INVS: variants seen among roughly 807,000 people sequenced by gnomAD.
INVS encodes the protein inversion of embryo turning homolog.
A neutral mutation model predicts 108.8 loss-of-function variants in INVS; 86 were observed. That is an observed-to-expected ratio of 0.79 (90% CI 0.66 to 0.95). The LOEUF is 0.95. Ranked by LOEUF, INVS falls within the 40% of genes least tolerant of loss-of-function variation. The pLI is 0.00. For missense variants in INVS, 1,169 were observed against 1,297.4 expected, an observed-to-expected ratio of 0.90 and a Z score of 1.52; for synonymous variants, 455 against 473.5, an observed-to-expected ratio of 0.96 and a Z score of 0.51.
intron 3 of INVS, chr9:100,129,862 G>A (rs1378628522): frequency 4.3e-6 from 2 of 463,468 alleles, no homozygotes; most frequent in Non-Finnish European, 8.0e-6. Context: ...CTGAGGCAGA[G>A]TTTGGAGATA....
chr9:100,273,828 G>C (rs566679595), intron 12 of INVS, among the ~76,000 whole-genome samples: 1 of 151,636 alleles, frequency 6.6e-6, no homozygotes, highest in Non-Finnish European at 1.5e-5. Context: ...ATAAGCCACC[G>C]CACCCAGCTT....
intron 1 of INVS, among the ~76,000 whole-genome samples, chr9:100,103,225 T>C (rs1827060337): frequency 6.6e-6 from 1 of 152,208 alleles, no homozygotes; most frequent in Non-Finnish European, 1.5e-5. Flanking sequence ...AATGGTGTGA[T>C]CTCAGCTCAC....
chr9:100,189,106 C>CTTTTTTTTTTTTTTTTTTTTTT (rs60762136), intron 3 of INVS, among the ~76,000 whole-genome samples: 3 of 69,562 alleles, frequency 4.3e-5, no homozygotes, highest in African/African-American at 2.0e-4. Context: ...TTTGCATCTT[C>CTTTTTTTTTTTTTTTTTTTTTT]TTTTTTTTTT....
intron 10 of INVS, among the ~76,000 whole-genome samples, chr9:100,260,788 G>T (rs1039317677): frequency 4.6e-5 from 7 of 152,072 alleles, no homozygotes; most frequent in African/African-American, 1.7e-4. Flanking sequence ...CCAAATATAG[G>T]TTAAATAAGT....
At chr9:100,130,402 T>A (rs1467165643) in intron 3 of INVS, 1 of 152,080 alleles carries the variant, frequency 6.6e-6, no homozygotes, top group Non-Finnish European at 1.5e-5. Context: ...ATACATAGAT[T>A]GCTATTATAG....
intron 8 of INVS, among the ~76,000 whole-genome samples, chr9:100,247,378 C>T (rs1003499590): frequency 3.4e-4 from 51 of 152,194 alleles, no homozygotes; most frequent in African/African-American, 1.1e-3. Context: ...AGGCCTTTAC[C>T]TATGTGTTGG....
intron 6 of INVS, among the ~76,000 whole-genome samples, chr9:100,240,692 G>A (rs1831839848): frequency 1.3e-5 from 2 of 151,884 alleles, no homozygotes; most frequent in African/African-American, 4.8e-5. Context: ...TGTATGTTGG[G>A]GTTTTTTGTG....
intron 3 of INVS, among the ~76,000 whole-genome samples, chr9:100,143,341 G>T (rs1285979480): frequency 2.6e-5 from 4 of 152,140 alleles, no homozygotes; most frequent in Middle Eastern, 3.2e-3. Context: ...TAAAATGGGG[G>T]AATTGTAAGG....
intron 3 of INVS, among the ~76,000 whole-genome samples, chr9:100,219,503 A>C (rs1831080772): frequency 6.6e-6 from 1 of 152,128 alleles, no homozygotes; most frequent in Non-Finnish European, 1.5e-5. Flanking sequence ...GTCAGACAAA[A>C]CCCAGTGTGG....
chr9:100,181,386 A>C (rs1380989681), intron 3 of INVS, among the ~76,000 whole-genome samples: 1 of 152,200 alleles, frequency 6.6e-6, no homozygotes, highest in Non-Finnish European at 1.5e-5. Flanking sequence ...TCTCAACCCA[A>C]AATCTCCTTA....
At position 100,220,886 on chromosome 9, in the gene INVS, G is replaced by A. The variant is rs564980338; in HGVS notation, c.274-5176G>A. ...AGCTATTCAGGAAGCTAGGGCAGGA[G>A]AATTGCTTGAACCCTGAAGGCAGAG... is the stretch of plus-strand genomic sequence containing the variant. On this transcript the variant is annotated intron_variant, in intron 3 of 16. Coordinates refer to ENST00000262457, the MANE Select transcript of INVS (RefSeq NM_014425.5). Among the ~76,000 whole-genome samples the A allele has an allele frequency of 1.5e-4, 22 of 151,384 alleles. No individual in the cohort carries two copies. The East Asian group carries it at 3.5e-3, about 24-fold the overall frequency.
chr9:100,205,536 A>G (rs1830648406), intron 3 of INVS, among the ~76,000 whole-genome samples: 1 of 152,122 alleles, frequency 6.6e-6, no homozygotes, highest in Admixed American at 6.5e-5. Context: ...TATACTTGAA[A>G]CAAGAGTAAT....
intron 3 of INVS, among the ~76,000 whole-genome samples, chr9:100,195,273 T>C (rs1830338640): frequency 6.6e-6 from 1 of 152,214 alleles, no homozygotes; most frequent in Non-Finnish European, 1.5e-5. Flanking sequence ...TTGAATATTG[T>C]CAAATGCCTT....
intron 3 of INVS, among the ~76,000 whole-genome samples, chr9:100,148,970 A>G (rs995933266): frequency 6.6e-6 from 1 of 152,176 alleles, no homozygotes; most frequent in Non-Finnish European, 1.5e-5. Context: ...TCTGAAGGTA[A>G]CAGACTGCCA....
At chr9:100,285,623 A>G (rs1833416907) in intron 13 of INVS, among the ~76,000 whole-genome samples, 1 of 152,238 alleles carries the variant, frequency 6.6e-6, no homozygotes. Context: ...TCCAGAGGAA[A>G]TTAGGCACGA....
chr9:100,258,742 G>A (rs569041998), intron 10 of INVS, among the ~76,000 whole-genome samples: 1 of 152,296 alleles, frequency 6.6e-6, no homozygotes, highest in African/African-American at 2.4e-5. Context: ...AAATATTGCA[G>A]AACGGCAAAT....
intron 3 of INVS, among the ~76,000 whole-genome samples, chr9:100,173,884 A>G (rs1439316245): frequency 6.6e-6 from 1 of 152,262 alleles, no homozygotes. Flanking sequence ...AGCTAAGGCT[A>G]AAATAACTCA....
At chr9:100,104,002 G>C (rs1423116546) in intron 1 of INVS, among the ~76,000 whole-genome samples, 1 of 151,964 alleles carries the variant, frequency 6.6e-6, no homozygotes, top group African/African-American at 2.4e-5. Flanking sequence ...CATATTACTT[G>C]TATTAACTTA....
chr9:100,120,139 C>T (rs1027936220), intron 2 of INVS, among the ~76,000 whole-genome samples: 2 of 152,172 alleles, frequency 1.3e-5, no homozygotes, highest in African/African-American at 4.8e-5. Flanking sequence ...TGTGTGGTGG[C>T]TTATGCCTGT....
Sources: allele counts gnomAD v4.1 joint callset (sites outside exome capture counted in the v4.1 genomes callset), GRCh38; gene constraint gnomAD v4.1.1; transcripts MANE v1.5; gene names NCBI Gene and HGNC (gene_info 2026-07-23, HGNC 2026-07-21).